Variants in THOP1 observed in about 807,000 individuals in gnomAD.
The protein encoded by THOP1 is thimet oligopeptidase 1, also known as thimet oligopeptidase.
Under a neutral mutation model 71.8 loss-of-function variants are expected in THOP1, and 49 were observed. The ratio of observed to expected loss-of-function variants is 0.68; its 90% CI spans 0.54 to 0.87. The LOEUF (loss-of-function observed/expected upper bound fraction) is 0.87, where lower values mean the gene tolerates loss of function less well. THOP1 is among the 40% of genes least tolerant of loss of function. The pLI is 0.00. For missense variants in THOP1, 843 were observed against 975.6 expected (o/e 0.86, Z 1.81); for synonymous variants, 426 against 421.5 (o/e 1.01, Z -0.13).
rs1281513001 is a variant in THOP1 at position 2,810,394 on chromosome 19, G to A, written c.1546G>A (p.Glu516Lys). The A allele has an allele frequency of 1.2e-6, 2 of 1,610,646 alleles. No individual in the cohort carries two copies. The highest frequency in any genetic ancestry group is 1.7e-6 in the Non-Finnish European group (2 of 1,179,622). ...GCTGGAGAACTGGGTGTGGGAGCAG[G>A]AGCCGCTGCTGCGGATGTCGCGGCA... ...QMLENWVWEQ[E>K]PLLRMSRHYR... Residue 516 changes from glutamate (E) to lysine (K), a missense_variant, in exon 10 of 13, where the codon GAG becomes AAG. Glu to Lys is a moderately conservative substitution (Grantham distance 56, BLOSUM62 1). Coordinates refer to ENST00000307741, the MANE Select transcript of THOP1 (RefSeq NM_003249.5).
At chr19:2,796,987 G>A (rs1012728774) in intron 4 of THOP1, among the ~76,000 whole-genome samples, 3 of 152,214 alleles carry the variant, frequency 2.0e-5, no homozygotes, top group Non-Finnish European at 2.9e-5. Context: ...AGTGTTCAGC[G>A]GCACCAACAG....
In THOP1 at chr19:2,813,455, C is replaced by T. The variant is rs1019449255; in HGVS notation, c.*179C>T. On this transcript the variant is annotated 3_prime_UTR_variant, in exon 13 of 13. Coordinates refer to ENST00000307741, the MANE Select transcript of THOP1 (RefSeq NM_003249.5). ...CGGTCGTGGCCCACCCGGCTAGAGA[C>T]GGCGTCCTCAAGGCATCTGGAGGGC... The T allele has an allele frequency of 2.3e-5, 18 of 780,268 alleles. No homozygotes were observed. In the African/African-American group the frequency reaches 2.8e-4, roughly 12 times the overall value. The allele number at this position is 780,268 out of a possible 1,614,324, so 48.3% of individuals were successfully genotyped here.
chr19:2,803,953 A>T (rs936647415), intron 5 of THOP1, among the ~76,000 whole-genome samples: 1 of 146,608 alleles, frequency 6.8e-6, no homozygotes, highest in African/African-American at 2.6e-5. Context: ...GTGAGCTCCC[A>T]ATCATTCTTT....
At chr19:2,793,847 G>T (rs1915944984) in intron 2 of THOP1, among the ~76,000 whole-genome samples, 1 of 152,038 alleles carries the variant, frequency 6.6e-6, no homozygotes, top group Non-Finnish European at 1.5e-5. Flanking sequence ...GCCACATCTT[G>T]TCAGTCCATT....
chr19:2,812,195 C>T (rs1916495487), intron 12 of THOP1: 1 of 1,506,088 alleles, frequency 6.6e-7, no homozygotes, highest in Non-Finnish European at 8.9e-7. Context: ...CCTCCAACCT[C>T]CAGTTTCCTC....
chr19:2,812,222 G>A lies in THOP1; in HGVS notation c.1908+488G>A, dbSNP rs542105732. The A allele has an allele frequency of 2.6e-4, 401 of 1,527,056 alleles. 2 individuals are homozygous for A. The South Asian group carries it at 3.0e-3, about 11-fold the overall frequency. The allele number at this position is 1,527,056 out of a possible 1,614,324, so 94.6% of individuals were successfully genotyped here. On this transcript the variant is annotated intron_variant, in intron 12 of 12. Transcript: ENST00000307741. ...AGTTTCCTCACTATGAAGTGCGGCC[G>A]TTACGCCATGTGAGCCTGTGCCTCC...
In THOP1 at chr19:2,801,662, G is replaced by A. The variant is rs1916146964; in HGVS notation, c.589+1871G>A. On this transcript the variant is annotated intron_variant, in intron 5 of 12. Transcript: ENST00000307741. The surrounding 1 kb of genome is among the most constrained non-coding windows in gnomAD (Gnocchi z 5.1). ...AGTTTATAAGAAAAGGAATTAACTT[G>A]TCACAGCTCTGGAGGCTGAGAAGTC... Among the ~76,000 whole-genome samples, 1 of 152,168 alleles carries A rather than the reference G, an allele frequency of 6.6e-6. No individual in the cohort carries two copies. Among genetic ancestry groups the A allele is most frequent in the Non-Finnish European group, 1.5e-5 (1 of 68,018 alleles).
rs753980550 is a variant in THOP1, at chr19:2,807,759, G to A, written c.1204G>A (p.Ala402Thr). Residue 402 changes from alanine to threonine, a missense_variant, in exon 8 of 13, where the codon GCG becomes ACG. Physicochemically the swap from Ala to Thr is moderately conservative, Grantham distance 58. Transcript: ENST00000307741. ...CGTGCGGCTCTACACCGCGAGGGACGCGGCCTCGGGGGAGGTGGTCGGCAA... is the reference window on the plus strand; with the variant it reads ...CGTGCGGCTCTACACCGCGAGGGACACGGCCTCGGGGGAGGTGGTCGGCAA... ...EDVRLYTARD[A>T]ASGEVVGKFY... The A allele has an allele frequency of 4.6e-5, 72 of 1,550,334 alleles. No individual in the cohort carries two copies. The highest frequency in any genetic ancestry group is 6.1e-5 in the Non-Finnish European group (70 of 1,144,076).
chr19:2,790,678 G>C, intron 2 of THOP1, 45 bp downstream of exon 2: 2 of 1,472,264 alleles, frequency 1.4e-6, no homozygotes, highest in South Asian at 2.9e-5. Flanking sequence ...GGTGCCGAGG[G>C]AGGTGGCACC....
At chr19:2,795,327 G>T (rs1009912536) in intron 3 of THOP1, among the ~76,000 whole-genome samples, 4 of 152,230 alleles carry the variant, frequency 2.6e-5, no homozygotes, top group Non-Finnish European at 5.9e-5. Context: ...TCCCCACATG[G>T]CGTGAGCTGG....
intron 10 of THOP1, 58 bp downstream of exon 10, chr19:2,810,548 G>A (rs1304633317): frequency 2.6e-6 from 4 of 1,527,212 alleles, no homozygotes; most frequent in Middle Eastern, 2.3e-4. Context: ...CACAGCTGGG[G>A]CCTGGCATGT....
intron 2 of THOP1, among the ~76,000 whole-genome samples, chr19:2,792,655 G>A (rs1209780299): frequency 6.7e-6 from 1 of 150,118 alleles, no homozygotes; most frequent in East Asian, 2.0e-4. Context: ...GTTTTTTTTT[G>A]TTTGTTTTTT....
intron 2 of THOP1, among the ~76,000 whole-genome samples, 190 bp downstream of exon 2, chr19:2,790,823 G>T (rs1387083029): frequency 6.6e-6 from 1 of 152,216 alleles, no homozygotes; most frequent in Non-Finnish European, 1.5e-5. Flanking sequence ...ATGGCTGGGC[G>T]GAAGCGTCTG....
At chr19:2,788,825 A>G (rs1915809675) in intron 1 of THOP1, among the ~76,000 whole-genome samples, 1 of 151,768 alleles carries the variant, frequency 6.6e-6, no homozygotes, top group South Asian at 2.1e-4. Flanking sequence ...CAGTGGTGCA[A>G]TCTCAGTTCA....
chr19:2,802,437 A>C (rs1916172976), intron 5 of THOP1, among the ~76,000 whole-genome samples: 1 of 122,646 alleles, frequency 8.2e-6, no homozygotes, highest in Non-Finnish European at 1.7e-5. Flanking sequence ...CCACCTCCCA[A>C]CACCAACACC....
rs571539499 is a variant in THOP1 at position 2,804,445 on chromosome 19, C to CT, written c.590-570dup. ...GGGGCTGCGTGCTGAGATCTCAGCT[C>CT]TGAGCGGGAGGCTCTGCCTGGGGGT... On this transcript the variant is annotated intron_variant, in intron 5 of 12. Coordinates refer to ENST00000307741, the MANE Select transcript of THOP1 (RefSeq NM_003249.5). The surrounding 1 kb of genome is among the most constrained non-coding windows in gnomAD (Gnocchi z 4.7). Among the ~76,000 whole-genome samples the CT allele has an allele frequency of 2.3e-3, 343 of 152,244 alleles. No homozygotes were observed. Among genetic ancestry groups the CT allele is most frequent in the Non-Finnish European group, 3.4e-3 (228 of 68,008 alleles).
At position 2,807,757 on chromosome 19, in the gene THOP1, A is replaced by T. The variant is rs1329668624; in HGVS notation, c.1202A>T (p.Asp401Val). Residue 401 changes from aspartate to valine, a missense_variant, in exon 8 of 13, where the codon GAC (aspartate) becomes GTC (valine). Physicochemically the swap from Asp to Val is radical, Grantham distance 152. Coordinates refer to ENST00000307741, the MANE Select transcript of THOP1 (RefSeq NM_003249.5). ...GACGTGCGGCTCTACACCGCGAGGG[A>T]CGCGGCCTCGGGGGAGGTGGTCGGC... ...HEDVRLYTAR[D>V]AASGEVVGKF... The T allele has an allele frequency of 1.3e-6, 2 of 1,553,108 alleles. No homozygotes were observed. Among genetic ancestry groups the T allele is most frequent in the South Asian group, 2.4e-5 (2 of 83,636 alleles).
chr19:2,810,443 C>G lies in THOP1; in HGVS notation c.1595C>G (p.Pro532Arg), dbSNP rs1188843505. Residue 532 changes from proline (P) to arginine (R), a missense_variant, in exon 10 of 13, where the codon CCC (proline) becomes CGC (arginine). Physicochemically the swap from Pro to Arg is moderately radical, Grantham distance 103. Transcript: ENST00000307741. ...CACTACCGCACAGGCAGCGCCGTGC[C>G]CCGGGAGCTCCTGGAGAAGCTCATT... ...SRHYRTGSAVPRELLEKLIES... is the reference protein window; with the variant it reads ...SRHYRTGSAVRRELLEKLIES... The G allele has an allele frequency of 1.3e-6, 2 of 1,587,824 alleles. No homozygotes were observed. The highest frequency in any genetic ancestry group is 1.7e-6 in the Non-Finnish European group (2 of 1,169,740).
Position 2,799,778 on chromosome 19 carries a change from G to T in THOP1, c.576G>T (p.Thr192=), listed in dbSNP as rs542062885. 2 of 1,613,622 alleles carry T rather than the reference G, an allele frequency of 1.2e-6. No homozygotes were observed. Among genetic ancestry groups the T allele is most frequent in the South Asian group, 2.2e-5 (2 of 91,074 alleles). The change falls in exon 5 of 13, where the codon ACG becomes ACT. Residue 192 remains threonine (T), a synonymous_variant. Coordinates refer to ENST00000307741, the MANE Select transcript of THOP1 (RefSeq NM_003249.5). ...AGGACACGACCTTCCTGCCCTTCACGCTCCAGGAGCTAGGTAGGGGCCGAG... is the reference window on the plus strand; with the variant it reads ...AGGACACGACCTTCCTGCCCTTCACTCTCCAGGAGCTAGGTAGGGGCCGAG... ...LNEDTTFLPF[T]LQELGGLPED...
Sources: gnomAD v4.1 joint callset for allele counts (sites outside exome capture counted in the v4.1 genomes callset) on GRCh38, gnomAD v4.1.1 for gene constraint, Gnocchi (gnomAD v3.1) non-coding constraint, MANE v1.5 for transcripts, NCBI Gene and HGNC (gene_info 2026-07-23, HGNC 2026-07-21) for gene names.